AGBL4: variants seen among roughly 807,000 people sequenced by gnomAD.
AGBL4 encodes the protein cytosolic carboxypeptidase 6.
In AGBL4, 58 loss-of-function variants were observed where a neutral mutation model predicts 66.4. The ratio of observed to expected loss-of-function variants is 0.87; its 90% CI spans 0.71 to 1.09. The LOEUF (loss-of-function observed/expected upper bound fraction) is 1.09, where lower values mean the gene tolerates loss of function less well. Among genes scored for constraint, AGBL4 ranks in the 50% least tolerant of loss-of-function variants. AGBL4 has a pLI of 0.00. For missense variants in AGBL4, 579 were observed against 631.0 expected (o/e 0.92, Z 0.88); for synonymous variants, 234 against 222.9 (o/e 1.05, Z -0.44).
At chr1:49,144,849 A>G (rs1188010331) in intron 4 of AGBL4, among the ~76,000 whole-genome samples, 1 of 152,160 alleles carries the variant, frequency 6.6e-6, no homozygotes, top group Admixed American at 6.6e-5. Flanking sequence ...AGAGTGGCCA[A>G]GAGAGGATTC....
intron 3 of AGBL4, among the ~76,000 whole-genome samples, chr1:49,415,923 T>C (rs1645417315): frequency 6.6e-6 from 1 of 152,014 alleles, no homozygotes; most frequent in Non-Finnish European, 1.5e-5. Context: ...ACCCCTCAGA[T>C]AAAGAGCTTA....
intron 6 of AGBL4, among the ~76,000 whole-genome samples, chr1:48,679,956 A>G (rs916192572): frequency 2.6e-5 from 4 of 151,936 alleles, no homozygotes; most frequent in Non-Finnish European, 5.9e-5. Context: ...TGCCATGGCC[A>G]CCTCCCCTGG....
intron 3 of AGBL4, among the ~76,000 whole-genome samples, chr1:49,635,609 T>C (rs569394384): frequency 1.8e-4 from 28 of 152,204 alleles, no homozygotes; most frequent in Admixed American, 1.6e-3. Context: ...AAGAAAAGGG[T>C]ATCAAAATGA....
intron 3 of AGBL4, among the ~76,000 whole-genome samples, chr1:49,459,451 T>A (rs1191306331): frequency 1.3e-5 from 2 of 151,790 alleles, no homozygotes; most frequent in East Asian, 1.9e-4. Context: ...AGTAGTAGTA[T>A]CTCCCATTTC....
At chr1:49,669,738 C>T (rs1202744163) in intron 3 of AGBL4, among the ~76,000 whole-genome samples, 6 of 151,910 alleles carry the variant, frequency 3.9e-5, no homozygotes, top group African/African-American at 1.5e-4. Flanking sequence ...TTTAATCTTC[C>T]CAATAAGGCA....
chr1:49,510,227 C>T (rs1199868806), intron 3 of AGBL4, among the ~76,000 whole-genome samples: 2 of 151,982 alleles, frequency 1.3e-5, no homozygotes, highest in African/African-American at 4.8e-5. Context: ...TATTTCTCCA[C>T]ATCCTCTCCA....
chr1:50,008,575 A>G (rs2148431947), intron 1 of AGBL4, among the ~76,000 whole-genome samples: 1 of 152,176 alleles, frequency 6.6e-6, no homozygotes, highest in Admixed American at 6.5e-5. Context: ...GAAAAAGTTA[A>G]CAACCTAATG....
chr1:48,683,630 C>T (rs1480353248), intron 6 of AGBL4, among the ~76,000 whole-genome samples: 1 of 152,176 alleles, frequency 6.6e-6, no homozygotes, highest in Non-Finnish European at 1.5e-5. Flanking sequence ...AAGGCTGGGC[C>T]TCAAAGAGGG....
At chr1:49,339,018 A>G (rs1350596173) in intron 3 of AGBL4, among the ~76,000 whole-genome samples, 1 of 152,138 alleles carries the variant, frequency 6.6e-6, no homozygotes, top group African/African-American at 2.4e-5. Context: ...CAGAGAATTA[A>G]GCATTTTACT....
chr1:49,946,073 A>T (rs549358269), intron 1 of AGBL4, among the ~76,000 whole-genome samples: 2 of 152,178 alleles, frequency 1.3e-5, no homozygotes, highest in African/African-American at 4.8e-5. Context: ...TTACTACTAG[A>T]TCTAAGAAAT....
intron 3 of AGBL4, among the ~76,000 whole-genome samples, chr1:49,659,455 A>T (rs1646223960): frequency 6.6e-6 from 1 of 152,176 alleles, no homozygotes. Context: ...ATGGAGGAAA[A>T]TTTATCAAGC....
At chr1:49,787,367 G>T (rs889958350) in intron 2 of AGBL4, among the ~76,000 whole-genome samples, 1 of 152,074 alleles carries the variant, frequency 6.6e-6, no homozygotes, top group African/African-American at 2.4e-5. Flanking sequence ...GCCGGGCGTG[G>T]TGGCGGACGC....
chr1:48,884,196 A>T (rs1003763057), intron 5 of AGBL4, among the ~76,000 whole-genome samples: 10 of 152,166 alleles, frequency 6.6e-5, no homozygotes, highest in Admixed American at 6.5e-4. Context: ...TCTTAGCTCA[A>T]ATCTGTAAGT....
chr1:49,475,519 T>C (rs1646829506), intron 3 of AGBL4, among the ~76,000 whole-genome samples: 1 of 152,062 alleles, frequency 6.6e-6, no homozygotes, highest in Non-Finnish European at 1.5e-5. Context: ...AGTTCTTCTT[T>C]GTACATCAGG....
At chr1:48,674,439 G>A (rs534989049) in intron 6 of AGBL4, among the ~76,000 whole-genome samples, 19 of 148,018 alleles carry the variant, frequency 1.3e-4, no homozygotes, top group Non-Finnish European at 2.7e-4. Flanking sequence ...TAAAGCTGGT[G>A]TTCCTTCTCC....
In AGBL4 at chr1:49,948,138, G is replaced by T. The variant is rs1362574330; in HGVS notation, c.34+75625C>A. 1.8e-4 allele frequency among the ~76,000 whole-genome samples: 17 copies of T among 94,002 alleles called. No individual in the cohort carries two copies. In the East Asian group the frequency reaches 4.1e-3, roughly 22 times the overall value. The allele number at this position is 94,002 out of a possible 152,430, so 61.7% of individuals were successfully genotyped here. On this transcript the variant is annotated intron_variant, in intron 1 of 13. Coordinates refer to ENST00000371839, the MANE Select transcript of AGBL4 (RefSeq NM_032785.4). ...TGTATGTAAATATATATAAATATAT[G>T]TAAATATATATAAATATACGTAAAT... is the stretch of plus-strand genomic sequence containing the variant.
chr1:48,811,904 C>T (rs1420059357), intron 6 of AGBL4, among the ~76,000 whole-genome samples: 1 of 152,136 alleles, frequency 6.6e-6, no homozygotes, highest in Non-Finnish European at 1.5e-5. Context: ...AGGCAGGCAT[C>T]AAGAGGGTCT....
chr1:49,827,921 T>G (rs1411735571), intron 2 of AGBL4, among the ~76,000 whole-genome samples: 1 of 152,200 alleles, frequency 6.6e-6, no homozygotes, highest in Non-Finnish European at 1.5e-5. Flanking sequence ...TGAAACTGTA[T>G]TCCATCATTT....
At chr1:48,738,259 C>T (rs963644898) in intron 6 of AGBL4, among the ~76,000 whole-genome samples, 2 of 152,200 alleles carry the variant, frequency 1.3e-5, no homozygotes, top group African/African-American at 4.8e-5. Flanking sequence ...GCACGTCTGA[C>T]TTCACCTCCT....
Sources: gnomAD v4.1 joint callset for allele counts (sites outside exome capture counted in the v4.1 genomes callset) on GRCh38, gnomAD v4.1.1 for gene constraint, MANE v1.5 for transcripts, NCBI Gene and HGNC (gene_info 2026-07-23, HGNC 2026-07-21) for gene names.